GALNT11: variants seen among roughly 807,000 people sequenced by gnomAD.
GALNT11 encodes the protein polypeptide N-acetylgalactosaminyltransferase 11, also known as UDP-GalNAc:polypeptide N-acetylgalactosaminyltransferase 11.
A neutral mutation model predicts 72.7 loss-of-function variants in GALNT11; 47 were observed. The ratio of observed to expected loss-of-function variants is 0.65; its 90% CI spans 0.51 to 0.82. The LOEUF (loss-of-function observed/expected upper bound fraction) is 0.82. Among genes scored for constraint, GALNT11 ranks in the 40% least tolerant of loss-of-function variants. The pLI is 0.00. For missense variants in GALNT11, 677 were observed against 778.4 expected (o/e 0.87, Z 1.55); for synonymous variants, 270 against 286.6 (o/e 0.94, Z 0.58).
intron 1 of GALNT11, among the ~76,000 whole-genome samples, chr7:152,062,082 G>A (rs1323596364): frequency 1.3e-5 from 2 of 152,240 alleles, no homozygotes; most frequent in African/African-American, 4.8e-5. Flanking sequence ...CCATTTTCAC[G>A]ATATTGATTC....
chr7:152,113,919 G>T (rs1338419141), intron 8 of GALNT11, among the ~76,000 whole-genome samples: 3 of 145,082 alleles, frequency 2.1e-5, no homozygotes, highest in East Asian at 2.0e-4. Context: ...TTTAAAAAGT[G>T]TTTTTTTTTT....
intron 6 of GALNT11, 52 bp downstream of exon 6, chr7:152,108,339 G>A (rs1056327561): frequency 1.9e-6 from 3 of 1,551,960 alleles, no homozygotes; most frequent in Non-Finnish European, 2.6e-6. Flanking sequence ...CCTTAAAAGA[G>A]AACAAAATGA....
chr7:152,073,913 A>C (rs1406249302), intron 1 of GALNT11, among the ~76,000 whole-genome samples: 3 of 152,154 alleles, frequency 2.0e-5, no homozygotes, highest in Non-Finnish European at 4.4e-5. Context: ...ATAAGTGAAC[A>C]TTTTGTCATA....
At chr7:152,046,225 G>A (rs1309203783) in intron 1 of GALNT11, among the ~76,000 whole-genome samples, 1 of 152,048 alleles carries the variant, frequency 6.6e-6, no homozygotes. Context: ...CCTAACATAT[G>A]GTCTATCCTT....
chr7:152,072,471 G>T (rs2084714554), intron 1 of GALNT11, among the ~76,000 whole-genome samples: 1 of 152,218 alleles, frequency 6.6e-6, no homozygotes, highest in East Asian at 1.9e-4. Flanking sequence ...TCTCTGTTAA[G>T]CCTTATGTAG....
At chr7:152,045,597 G>A (rs2083081099) in intron 1 of GALNT11, among the ~76,000 whole-genome samples, 1 of 151,948 alleles carries the variant, frequency 6.6e-6, no homozygotes. Flanking sequence ...AGCCTCTCAT[G>A]ATCTTTTGAG....
intron 1 of GALNT11, among the ~76,000 whole-genome samples, chr7:152,088,478 T>C (rs2085794951): frequency 6.6e-6 from 1 of 151,976 alleles, no homozygotes; most frequent in African/African-American, 2.4e-5. Context: ...AACTTGTTTA[T>C]GGTATATTCA....
At chr7:152,112,639 TTTA>T (rs1450788233) in intron 7 of GALNT11, among the ~76,000 whole-genome samples, 1 of 152,106 alleles carries the variant, frequency 6.6e-6, no homozygotes, top group East Asian at 1.9e-4. Context: ...TTTAATAGAT[TTTA>T]TTATTAAAAG....
At chr7:152,036,397 C>T (rs985811804) in intron 1 of GALNT11, among the ~76,000 whole-genome samples, 8 of 152,220 alleles carry the variant, frequency 5.3e-5, no homozygotes, top group African/African-American at 1.9e-4. Context: ...CAGTTCTATC[C>T]CTGTTGTTGC....
intron 1 of GALNT11, among the ~76,000 whole-genome samples, chr7:152,027,152 G>A (rs901900005): frequency 6.6e-6 from 1 of 152,182 alleles, no homozygotes. Flanking sequence ...GGGAGGCTGA[G>A]GCAGGAGAAT....
In GALNT11 at chr7:152,094,629, C is replaced by T; in HGVS notation, c.295+107C>T. The stretch of plus-strand genomic sequence containing the variant: ...GAAATGCTGCATCATTTTTTCCCCA[C>T]TGATTTATTTTGTTTGTGAACTACC... On this transcript the variant is annotated intron_variant, in intron 2 of 11. Transcript: ENST00000430044. This position sits in a 1 kb window ranked among gnomAD's most constrained non-coding sequence, Gnocchi z 4.3. 3.1e-6 allele frequency: 4 copies of T among 1,293,200 alleles called. No homozygotes were observed. The highest frequency in any genetic ancestry group is 3.1e-6 in the Non-Finnish European group (3 of 957,414). 80.1% of individuals were successfully genotyped at this position (1,293,200 alleles called of 1,614,324 possible). A position where few individuals can be genotyped will look rare whatever the true frequency, so the allele number is the denominator to read the frequency against.
chr7:152,051,159 C>G (rs561860476), intron 1 of GALNT11, among the ~76,000 whole-genome samples: 9 of 146,080 alleles, frequency 6.2e-5, no homozygotes, highest in African/African-American at 1.8e-4. Flanking sequence ...TTCCATTTGG[C>G]CATCTGGCTC....
intron 1 of GALNT11, among the ~76,000 whole-genome samples, chr7:152,047,465 AAAACAAAC>A (rs563719209): frequency 1.3e-5 from 2 of 152,022 alleles, no homozygotes; most frequent in African/African-American, 2.4e-5. Context: ...ACTCCATCTC[AAAACAAAC>A]AAACAAACAA....
chr7:152,084,430 T>A (rs1194028825), intron 1 of GALNT11, among the ~76,000 whole-genome samples: 9 of 151,824 alleles, frequency 5.9e-5, no homozygotes, highest in East Asian at 3.9e-4. Context: ...GTTGATTTTG[T>A]TAGAACTATA....
chr7:152,044,770 GC>G (rs1268153315), intron 1 of GALNT11, among the ~76,000 whole-genome samples: 1 of 151,864 alleles, frequency 6.6e-6, no homozygotes, highest in Non-Finnish European at 1.5e-5. Flanking sequence ...TAATTTGGAT[GC>G]CCTTTATTTT....
intron 3 of GALNT11, among the ~76,000 whole-genome samples, chr7:152,102,402 C>T (rs557125490): frequency 2.6e-5 from 4 of 151,880 alleles, no homozygotes; most frequent in African/African-American, 4.8e-5. Flanking sequence ...ATTACCTGGG[C>T]GTGGTGGCGC....
In GALNT11 at chr7:152,051,742, T is replaced by C. The variant is rs1008918147; in HGVS notation, c.-39+25858T>C. Among the ~76,000 whole-genome samples the C allele has an allele frequency of 2.0e-5, 3 of 151,130 alleles. No individual in the cohort carries two copies. In the East Asian group the frequency reaches 5.8e-4, roughly 29 times the overall value. On this transcript the variant is annotated intron_variant, in intron 1 of 11. Coordinates refer to ENST00000430044, the MANE Select transcript of GALNT11 (RefSeq NM_022087.4). The stretch of plus-strand genomic sequence containing the variant: ...GAGATCTACTCTGCCTAAGCAAAAA[T>C]AGGAAATAGAAAAACCTCTCTTTAT...
At chr7:152,101,650 G>C (rs375420684) in intron 3 of GALNT11, among the ~76,000 whole-genome samples, 118 of 145,476 alleles carry the variant, frequency 8.1e-4, no homozygotes, top group African/African-American at 1.8e-3. Context: ...TTTGGGGGGG[G>C]GGGGATGGAG....
At chr7:152,084,104 T>C (rs927176284) in intron 1 of GALNT11, among the ~76,000 whole-genome samples, 1 of 152,202 alleles carries the variant, frequency 6.6e-6, no homozygotes, top group Non-Finnish European at 1.5e-5. Context: ...CTGACACTCT[T>C]CTCTGTGCCT....
Sources: gnomAD v4.1 joint callset for allele counts (sites outside exome capture counted in the v4.1 genomes callset) on GRCh38, gnomAD v4.1.1 for gene constraint, Gnocchi (gnomAD v3.1) non-coding constraint, MANE v1.5 for transcripts, NCBI Gene and HGNC (gene_info 2026-07-23, HGNC 2026-07-21) for gene names.